Variants in SLC39A10 observed in about 807,000 individuals in gnomAD.
SLC39A10 encodes zinc transporter ZIP10.
A neutral mutation model predicts 65.1 loss-of-function variants in SLC39A10; 13 were observed. The observed-to-expected ratio is 0.20, with a 90% confidence interval of 0.13 to 0.32. SLC39A10 has a LOEUF of 0.32. Ranked by LOEUF, SLC39A10 falls within the 10% of genes least tolerant of loss-of-function variation. SLC39A10 has a pLI of 1.00. For missense variants in SLC39A10, 831 were observed against 1,018.4 expected (o/e 0.82, Z 2.50); for synonymous variants, 321 against 342.2 (o/e 0.94, Z 0.68).
chr2:195,676,344 A>G (rs1410465960), intron 1 of SLC39A10, among the ~76,000 whole-genome samples: 1 of 148,982 alleles, frequency 6.7e-6, no homozygotes, highest in African/African-American at 2.5e-5. Context: ...CGCCTGCCAC[A>G]GCGCCTGGCC....
chr2:195,660,164 C>T (rs981664379), intron 1 of SLC39A10, among the ~76,000 whole-genome samples: 1 of 152,166 alleles, frequency 6.6e-6, no homozygotes, highest in Non-Finnish European at 1.5e-5. Flanking sequence ...TGAATCAAAA[C>T]TTAACCATTA....
chr2:195,642,668 A>C (rs1283896975), intron 2 of SLC39A10, among the ~76,000 whole-genome samples: 1 of 152,232 alleles, frequency 6.6e-6, no homozygotes, highest in Non-Finnish European at 1.5e-5. Context: ...CTGGGAGCTG[A>C]TTTAAAATGC....
At chr2:195,618,787 A>C (rs1026762397) in intron 2 of SLC39A10, among the ~76,000 whole-genome samples, 1 of 152,124 alleles carries the variant, frequency 6.6e-6, no homozygotes, top group Non-Finnish European at 1.5e-5. Context: ...GCATGATAAT[A>C]CATGTGTTAA....
chr2:195,673,614 C>G (rs1458303806), intron 1 of SLC39A10, among the ~76,000 whole-genome samples: 2 of 152,168 alleles, frequency 1.3e-5, no homozygotes, highest in African/African-American at 4.8e-5. Context: ...TTTTGTGTAG[C>G]TTGCATCAGA....
At chr2:195,691,305 C>T (rs997465533) in intron 3 of SLC39A10, among the ~76,000 whole-genome samples, 1 of 152,104 alleles carries the variant, frequency 6.6e-6, no homozygotes, top group Non-Finnish European at 1.5e-5. Flanking sequence ...TTTGGAATTG[C>T]AAGTTGGGCT....
At chr2:195,672,321 A>G (rs1689897595) in intron 1 of SLC39A10, among the ~76,000 whole-genome samples, 1 of 151,880 alleles carries the variant, frequency 6.6e-6, no homozygotes, top group South Asian at 2.1e-4. Flanking sequence ...TGTAGAGATA[A>G]GCTCTCAGTA....
chr2:195,659,974 T>A (rs1689320808), intron 1 of SLC39A10, among the ~76,000 whole-genome samples: 1 of 152,170 alleles, frequency 6.6e-6, no homozygotes, highest in South Asian at 2.1e-4. Flanking sequence ...ACTCATGGAT[T>A]TATTTCTACT....
At chr2:195,700,655 C>T (rs948327771) in intron 3 of SLC39A10, among the ~76,000 whole-genome samples, 1 of 152,130 alleles carries the variant, frequency 6.6e-6, no homozygotes, top group Non-Finnish European at 1.5e-5. Flanking sequence ...TTAGTTTCTC[C>T]CTCACTTTTG....
chr2:195,688,394 G>A (rs556067042), intron 3 of SLC39A10, among the ~76,000 whole-genome samples: 2 of 152,180 alleles, frequency 1.3e-5, no homozygotes, highest in African/African-American at 2.4e-5. Context: ...TACAAATAAA[G>A]TATTTAAATA....
chr2:195,670,774 C>A (rs556020573), intron 1 of SLC39A10, among the ~76,000 whole-genome samples: 1 of 152,200 alleles, frequency 6.6e-6, no homozygotes, highest in African/African-American at 2.4e-5. Flanking sequence ...TTTACAACTT[C>A]TTGTGAATCT....
At chr2:195,691,686 G>A (rs1690744703) in intron 3 of SLC39A10, among the ~76,000 whole-genome samples, 1 of 152,060 alleles carries the variant, frequency 6.6e-6, no homozygotes, top group Admixed American at 6.6e-5. Flanking sequence ...GTCTATTCAT[G>A]CCCTGAGCCA....
intron 2 of SLC39A10, among the ~76,000 whole-genome samples, chr2:195,626,848 A>G (rs544843229): frequency 7.1e-4 from 108 of 152,312 alleles, no homozygotes; most frequent in Middle Eastern, 3.4e-3. Flanking sequence ...ATTTTTCTAT[A>G]TAGAGTTCCT....
intron 1 of SLC39A10, chr2:195,670,409 T>C (rs912895095): frequency 3.3e-5 from 5 of 152,176 alleles, no homozygotes; most frequent in African/African-American, 1.2e-4. Context: ...CATGTTATCT[T>C]TGTGCAGGGG....
At chr2:195,702,275 G>T (rs1404178220) in intron 3 of SLC39A10, among the ~76,000 whole-genome samples, 1 of 152,060 alleles carries the variant, frequency 6.6e-6, no homozygotes, top group Non-Finnish European at 1.5e-5. Context: ...CTCAATATTT[G>T]GGGAGCAAAA....
At chr2:195,715,071 C>T (rs189256213) in intron 6 of SLC39A10, among the ~76,000 whole-genome samples, 230 of 152,034 alleles carry the variant, frequency 1.5e-3, no homozygotes, top group African/African-American at 5.4e-3. Flanking sequence ...ACCTTATAAT[C>T]AAATTAGTAA....
chr2:195,699,815 T>C (rs1691108221), intron 3 of SLC39A10, among the ~76,000 whole-genome samples: 1 of 152,122 alleles, frequency 6.6e-6, no homozygotes. Context: ...AAGTCCTCTA[T>C]TTCCTTGCCT....
chr2:195,689,167 T>A (rs1690632256), intron 3 of SLC39A10, among the ~76,000 whole-genome samples: 1 of 152,154 alleles, frequency 6.6e-6, no homozygotes, highest in Non-Finnish European at 1.5e-5. Flanking sequence ...CTCAGCACTT[T>A]GACAGTCTGA....
At chr2:195,713,582 CTT>C (rs746600633) in intron 6 of SLC39A10, 29 bp downstream of exon 6, 1 of 1,536,974 alleles carries the variant, frequency 6.5e-7, no homozygotes, top group South Asian at 1.3e-5. Flanking sequence ...TCAAGACAAA[CTT>C]TTTTCTTTTT....
intron 3 of SLC39A10, among the ~76,000 whole-genome samples, chr2:195,686,702 A>G (rs1013116808): frequency 1.3e-5 from 2 of 152,222 alleles, no homozygotes; most frequent in African/African-American, 2.4e-5. Context: ...CTTAGAGAAT[A>G]AGTCAGGTAA....
Sources: allele counts gnomAD v4.1 joint callset (sites outside exome capture counted in the v4.1 genomes callset), GRCh38; gene constraint gnomAD v4.1.1; transcripts MANE v1.5; gene names NCBI Gene and HGNC (gene_info 2026-07-23, HGNC 2026-07-21).